ST6GALNAC3: variants seen among roughly 807,000 people sequenced by gnomAD.
The protein encoded by ST6GALNAC3 is ST6 N-acetylgalactosaminide alpha-2,6-sialyltransferase 3.
ST6GALNAC3 carries 25 observed loss-of-function variants against 32.7 expected under a neutral mutation model. That is an observed-to-expected ratio of 0.76 (90% CI 0.56 to 1.07). The LOEUF (loss-of-function observed/expected upper bound fraction) is 1.07, where lower values mean the gene tolerates loss of function less well. Ranked by LOEUF, ST6GALNAC3 falls within the 50% of genes least tolerant of loss-of-function variation. ST6GALNAC3 has a pLI of 0.00. For missense variants in ST6GALNAC3, 355 were observed against 382.4 expected, an observed-to-expected ratio of 0.93 and a Z score of 0.60; for synonymous variants, 129 against 133.1, an observed-to-expected ratio of 0.97 and a Z score of 0.21.
intron 1 of ST6GALNAC3, among the ~76,000 whole-genome samples, chr1:76,148,629 A>G (rs1046813024): frequency 6.6e-6 from 1 of 152,228 alleles, no homozygotes; most frequent in African/African-American, 2.4e-5. Context: ...CCTCATGTAC[A>G]TATGAAGGCT....
chr1:76,131,954 G>A (rs1168629653), intron 1 of ST6GALNAC3, among the ~76,000 whole-genome samples: 1 of 152,134 alleles, frequency 6.6e-6, no homozygotes, highest in African/African-American at 2.4e-5. Context: ...CATTGCTGCC[G>A]AAATGGTCTT....
At chr1:76,139,274 T>G (rs951545765) in intron 1 of ST6GALNAC3, among the ~76,000 whole-genome samples, 7 of 151,552 alleles carry the variant, frequency 4.6e-5, no homozygotes, top group African/African-American at 1.7e-4. Context: ...ATATGCACAC[T>G]TAAGCACACA....
At chr1:76,370,528 T>C (rs565670283) in intron 2 of ST6GALNAC3, among the ~76,000 whole-genome samples, 8 of 152,268 alleles carry the variant, frequency 5.3e-5, no homozygotes, top group Non-Finnish European at 1.0e-4. Flanking sequence ...CATAAACTCA[T>C]AGGCATTAAC....
intron 2 of ST6GALNAC3, among the ~76,000 whole-genome samples, chr1:76,323,287 AAT>A (rs1228851206): frequency 6.6e-6 from 1 of 152,258 alleles, no homozygotes; most frequent in Non-Finnish European, 1.5e-5. Context: ...ACTAGAAATA[AAT>A]AAATAAAATT....
intron 3 of ST6GALNAC3, among the ~76,000 whole-genome samples, chr1:76,617,258 C>T (rs941608516): frequency 1.3e-5 from 2 of 152,094 alleles, no homozygotes; most frequent in Non-Finnish European, 2.9e-5. Context: ...CCAGTTAAGT[C>T]AAAAACCTAA....
chr1:76,613,273 G>A (rs999621948), intron 3 of ST6GALNAC3, among the ~76,000 whole-genome samples: 1 of 152,148 alleles, frequency 6.6e-6, no homozygotes, highest in Non-Finnish European at 1.5e-5. Context: ...TATCTCCTGG[G>A]GGGTCCAATA....
intron 3 of ST6GALNAC3, among the ~76,000 whole-genome samples, chr1:76,531,927 G>T (rs915562622): frequency 5.9e-5 from 9 of 152,102 alleles, no homozygotes; most frequent in African/African-American, 2.2e-4. Context: ...GTGAAGGAAA[G>T]GCCTGTTATT....
downstream of ST6GALNAC3, among the ~76,000 whole-genome samples, chr1:76,636,593 A>G (rs1160607374): frequency 6.6e-6 from 1 of 152,150 alleles, no homozygotes; most frequent in Non-Finnish European, 1.5e-5. Flanking sequence ...TATTTCTATA[A>G]AGAGAGGACC....
chr1:76,205,327 A>G (rs1654760664), intron 1 of ST6GALNAC3, among the ~76,000 whole-genome samples: 1 of 152,178 alleles, frequency 6.6e-6, no homozygotes, highest in Non-Finnish European at 1.5e-5. Flanking sequence ...TACACTCAAT[A>G]GTCCACAGCC....
At chr1:76,165,017 G>A (rs1010619061) in intron 1 of ST6GALNAC3, among the ~76,000 whole-genome samples, 3 of 152,122 alleles carry the variant, frequency 2.0e-5, no homozygotes, top group African/African-American at 7.2e-5. Context: ...TCTCAAGGGG[G>A]TTTGTTGTAC....
At chr1:76,127,039 G>T (rs1649300773) in intron 1 of ST6GALNAC3, among the ~76,000 whole-genome samples, 1 of 152,288 alleles carries the variant, frequency 6.6e-6, no homozygotes, top group Non-Finnish European at 1.5e-5. Context: ...GCTCCGTGTT[G>T]CAGTGATCTT....
chr1:76,498,507 T>A (rs1364078390), intron 3 of ST6GALNAC3, among the ~76,000 whole-genome samples: 3 of 152,164 alleles, frequency 2.0e-5, no homozygotes, highest in Non-Finnish European at 1.5e-5. Context: ...AAAGAGTTTT[T>A]TAGGAAACCT....
chr1:76,336,123 A>C (rs1474251622), intron 2 of ST6GALNAC3, among the ~76,000 whole-genome samples: 1 of 152,202 alleles, frequency 6.6e-6, no homozygotes, highest in Non-Finnish European at 1.5e-5. Context: ...GCTGGGAAGA[A>C]GCTATGATTT....
At chr1:76,313,531 G>A in intron 1 of ST6GALNAC3, 1 of 509,748 alleles carries the variant, frequency 2.0e-6, no homozygotes, top group Non-Finnish European at 3.6e-6. Context: ...TTTGCAAACT[G>A]AATAGGAGTG....
intron 2 of ST6GALNAC3, among the ~76,000 whole-genome samples, chr1:76,378,671 A>C (rs924410162): frequency 0.015 from 1,269 of 81,982 alleles, 19 homozygotes; most frequent in African/African-American, 0.071. Flanking sequence ...CCCCCCCCAA[A>C]AAAAAAAATT....
chr1:76,156,753 A>T (rs1343507915), intron 1 of ST6GALNAC3, among the ~76,000 whole-genome samples: 1 of 151,966 alleles, frequency 6.6e-6, no homozygotes, highest in Non-Finnish European at 1.5e-5. Context: ...TTTTTTTGAG[A>T]CGGAGTCTCG....
intron 3 of ST6GALNAC3, among the ~76,000 whole-genome samples, chr1:76,611,272 C>G (rs575015360): frequency 6.6e-6 from 1 of 151,596 alleles, no homozygotes; most frequent in African/African-American, 2.4e-5. Context: ...TAATTTTTTT[C>G]TAAATAAGTT....
At chr1:76,507,852 G>T (rs547178377) in intron 3 of ST6GALNAC3, among the ~76,000 whole-genome samples, 1 of 152,290 alleles carries the variant, frequency 6.6e-6, no homozygotes, top group East Asian at 1.9e-4. Flanking sequence ...GGAAGTGCTA[G>T]ACTGTTTTTC....
Position 76,144,053 on chromosome 1 carries a change from T to C in ST6GALNAC3, c.18+69169T>C, listed in dbSNP as rs146914250. On this transcript the variant is annotated intron_variant, in intron 1 of 4. Coordinates refer to ENST00000328299, the MANE Select transcript of ST6GALNAC3 (RefSeq NM_152996.4). ...GGATCTGTGTAAATAGCTTGGAGCA[T>C]CATGTAGCATGTGGAAATGCTCAGT... Among the ~76,000 whole-genome samples the C allele has an allele frequency of 3.9e-5, 6 of 152,330 alleles. No homozygotes were observed. In the East Asian group the frequency reaches 7.7e-4, roughly 20 times the overall value.
Sources: gnomAD v4.1 joint callset for allele counts (sites outside exome capture counted in the v4.1 genomes callset) on GRCh38, gnomAD v4.1.1 for gene constraint, MANE v1.5 for transcripts, NCBI Gene and HGNC (gene_info 2026-07-23, HGNC 2026-07-21) for gene names.